The following ZNF875 variants were observed in gnomAD, a reference collection of about 807,000 sequenced individuals.
ZNF875 encodes the protein HKR1, GLI-Kruppel zinc finger family member.
ZNF875 carries 14 observed loss-of-function variants against 11.2 expected under a neutral mutation model. The ratio of observed to expected loss-of-function variants is 1.26; its 90% CI spans 0.83 to 1.96. ZNF875 has a LOEUF of 1.96. Among genes scored for constraint, ZNF875 ranks in the 30% most tolerant of loss-of-function variants. ZNF875 has a pLI of 0.00. For synonymous variants in ZNF875, 301 were observed against 281.1 expected (o/e 1.07, Z -0.71); for missense variants, 752 against 760.4 (o/e 0.99, Z 0.13).
upstream of ZNF875, among the ~76,000 whole-genome samples, chr19:37,331,644 A>G (rs1227162697): frequency 6.8e-6 from 1 of 147,808 alleles, no homozygotes; most frequent in East Asian, 2.0e-4. Flanking sequence ...AAGAGTCATC[A>G]CCACTCCCTA....
chr19:37,342,476 G>T (rs531452665), intron 2 of ZNF875, among the ~76,000 whole-genome samples: 1 of 150,196 alleles, frequency 6.7e-6, no homozygotes, highest in East Asian at 2.0e-4. Flanking sequence ...GCAATGGAGC[G>T]ATATCGGCTC....
chr19:37,350,621 G>A (rs2037692247), intron 4 of ZNF875, among the ~76,000 whole-genome samples: 1 of 150,992 alleles, frequency 6.6e-6, no homozygotes, highest in Non-Finnish European at 1.5e-5. Context: ...TTTTTTAATT[G>A]TTGCTCTATA....
intron 2 of ZNF875, among the ~76,000 whole-genome samples, chr19:37,341,084 G>A (rs2035624073): frequency 1.3e-5 from 2 of 152,150 alleles, no homozygotes; most frequent in African/African-American, 4.8e-5. Context: ...TGAGAAATGG[G>A]AGGACTGAAT....
At chr19:37,332,079 C>G (rs970435865), upstream of ZNF875, among the ~76,000 whole-genome samples, 6 of 138,076 alleles carry the variant, frequency 4.3e-5, no homozygotes, top group African/African-American at 1.6e-4. Flanking sequence ...GCACTTAATC[C>G]TTTACATTGT....
chr19:37,341,750 T>C (rs1034679708), intron 2 of ZNF875, among the ~76,000 whole-genome samples: 2 of 152,200 alleles, frequency 1.3e-5, no homozygotes, highest in East Asian at 1.9e-4. Context: ...CAGTATCTTA[T>C]GTGTAACAGT....
chr19:37,339,618 T>C (rs774272667), intron 2 of ZNF875, among the ~76,000 whole-genome samples: 25 of 141,642 alleles, frequency 1.8e-4, no homozygotes, highest in Non-Finnish European at 2.5e-4. Flanking sequence ...TGGGATGCAG[T>C]GGTGCAATCG....
intron 4 of ZNF875, among the ~76,000 whole-genome samples, chr19:37,354,567 G>T (rs2038566511): frequency 6.6e-6 from 1 of 151,866 alleles, no homozygotes; most frequent in South Asian, 2.1e-4. Flanking sequence ...CAAAATTACA[G>T]AATATTTGCA....
Position 37,363,449 on chromosome 19 carries a change from C to A in ZNF875, c.1597C>A (p.Pro533Thr), listed in dbSNP as rs147968672. ...CCAGAGGACACATTCAGGGGAAAAG[C>A]CTTTTATGTGCAGGGAGTGTGGCAG... Reference protein sequence around the residue: ...SHQRTHSGEKPFMCRECGRRF... With the variant: ...SHQRTHSGEKTFMCRECGRRF... Residue 533 changes from proline to threonine, a missense_variant, in exon 5 of 5, where the codon CCT (proline) becomes ACT (threonine). Coordinates refer to ENST00000392153, the MANE Select transcript of ZNF875 (RefSeq NM_001353803.2). 8.2e-4 allele frequency: 1,316 copies of A among 1,614,034 alleles called. No homozygotes were observed. The highest frequency in any genetic ancestry group is 1.0e-3 in the Non-Finnish European group (1,218 of 1,180,032).
At chr19:37,361,839 C>T in intron 4 of ZNF875, 1 of 358,480 alleles carries the variant, frequency 2.8e-6, no homozygotes, top group South Asian at 4.0e-5. Flanking sequence ...ATCGCTTGAA[C>T]CCTGGAGGCG....
At chr19:37,319,113 C>A (rs1389403785) in intron 1 of ZNF875, among the ~76,000 whole-genome samples, 1 of 148,584 alleles carries the variant, frequency 6.7e-6, no homozygotes. Flanking sequence ...ATGGTGTGAT[C>A]TTGGCTCACT....
At chr19:37,335,315 T>G in intron 2 of ZNF875, 58 bp downstream of exon 2, 1 of 666,922 alleles carries the variant, frequency 1.5e-6, no homozygotes, top group Admixed American at 2.1e-5. Context: ...CATTACCTTT[T>G]CTTGTCCTGG....
At chr19:37,325,989 G>C (rs1393847785) in intron 4 of ZNF875, among the ~76,000 whole-genome samples, 1 of 152,008 alleles carries the variant, frequency 6.6e-6, no homozygotes, top group African/African-American at 2.4e-5. Context: ...GATTACACGC[G>C]TGAGCCACTG....
chr19:37,326,788 C>G (rs1256524485), intron 4 of ZNF875, among the ~76,000 whole-genome samples: 1 of 151,334 alleles, frequency 6.6e-6, no homozygotes, highest in Non-Finnish European at 1.5e-5. Context: ...CTGCCTCAGC[C>G]TCCCGAGTAC....
At chr19:37,350,050 CGCCT>C (rs2037555773) in intron 4 of ZNF875, among the ~76,000 whole-genome samples, 1 of 141,278 alleles carries the variant, frequency 7.1e-6, no homozygotes, top group African/African-American at 2.7e-5. Context: ...CTGCAACCTC[CGCCT>C]ATCAGGTTCA....
rs778396892 is a variant in ZNF875, at chr19:37,362,628, G to A, written c.776G>A (p.Trp259Ter). ...GAGACACCTTACATGTACACTGAGT[G>A]GGGAGACAGCTTTGGCAGTATGTCA... ...TGETPYMYTE[W>*]GDSFGSMSVL... Residue 259 changes from tryptophan to a stop codon, truncating the protein, a stop_gained, in exon 5 of 5, where the codon TGG (tryptophan) becomes TAG (stop). Coordinates refer to ENST00000392153, the MANE Select transcript of ZNF875 (RefSeq NM_001353803.2). LOFTEE classifies it low-confidence loss of function (END_TRUNC). The A allele has an allele frequency of 5.0e-6, 8 of 1,613,460 alleles. No homozygotes were observed. In the Admixed American group the frequency reaches 1.2e-4, roughly 24 times the overall value.
At chr19:37,355,284 G>T (rs1452970197) in intron 4 of ZNF875, among the ~76,000 whole-genome samples, 1 of 152,126 alleles carries the variant, frequency 6.6e-6, no homozygotes, top group Non-Finnish European at 1.5e-5. Context: ...CCGCCTCCTG[G>T]GTTCAAGCGA....
intron 2 of ZNF875, among the ~76,000 whole-genome samples, chr19:37,336,598 C>A (rs2034486040): frequency 6.6e-6 from 1 of 151,616 alleles, no homozygotes; most frequent in Non-Finnish European, 1.5e-5. Context: ...CCACACCCGG[C>A]TACCTATGCA....
At chr19:37,335,338 T>G (rs2145908071) in intron 2 of ZNF875, 81 bp downstream of exon 2, 2 of 639,316 alleles carry the variant, frequency 3.1e-6, no homozygotes, top group Admixed American at 4.5e-5. Context: ...GCTGCCTTGT[T>G]GGTATTGGGC....
chr19:37,360,467 C>G (rs1345516000), intron 4 of ZNF875, among the ~76,000 whole-genome samples: 2 of 152,046 alleles, frequency 1.3e-5, no homozygotes, highest in Non-Finnish European at 2.9e-5. Flanking sequence ...GGAAAAAAAC[C>G]AAAAGCCTGC....
Sources: gnomAD v4.1 joint callset for allele counts (sites outside exome capture counted in the v4.1 genomes callset) on GRCh38, gnomAD v4.1.1 for gene constraint, MANE v1.5 for transcripts, NCBI Gene and HGNC (gene_info 2026-07-23, HGNC 2026-07-21) for gene names.